GKAP1: variants seen among roughly 807,000 people sequenced by gnomAD.
GKAP1 encodes G kinase-anchoring protein 1.
Under a neutral mutation model 56.7 loss-of-function variants are expected in GKAP1, and 31 were observed. That is an observed-to-expected ratio of 0.55 (90% CI 0.41 to 0.74). The LOEUF is 0.74. Ranked by LOEUF, GKAP1 falls within the 30% of genes least tolerant of loss-of-function variation. GKAP1 has a pLI of 0.00. For missense variants in GKAP1, 364 were observed against 402.3 expected, an observed-to-expected ratio of 0.90 and a Z score of 0.82; for synonymous variants, 151 against 138.6, an observed-to-expected ratio of 1.09 and a Z score of -0.63.
chr9:83,805,070 G>A (rs1292245209), intron 3 of GKAP1, among the ~76,000 whole-genome samples: 3 of 152,200 alleles, frequency 2.0e-5, no homozygotes, highest in Non-Finnish European at 2.9e-5. Flanking sequence ...GATGGTTGCC[G>A]TGTCTGTGTA....
chr9:83,791,763 C>T (rs1047855018), intron 4 of GKAP1, among the ~76,000 whole-genome samples: 2 of 151,740 alleles, frequency 1.3e-5, no homozygotes, highest in Non-Finnish European at 2.9e-5. Context: ...GTATGAACTA[C>T]AGGAAATAGA....
At chr9:83,790,947 A>C (rs1284603337) in intron 4 of GKAP1, among the ~76,000 whole-genome samples, 1 of 152,260 alleles carries the variant, frequency 6.6e-6, no homozygotes, top group Non-Finnish European at 1.5e-5. Context: ...GATTATTTCT[A>C]ATATGTCACA....
At chr9:83,765,412 C>T (rs755389437) in intron 8 of GKAP1, among the ~76,000 whole-genome samples, 2 of 152,200 alleles carry the variant, frequency 1.3e-5, no homozygotes, top group African/African-American at 4.8e-5. Flanking sequence ...AATGTGGGGT[C>T]AAGAGCCCCC....
intron 2 of GKAP1, among the ~76,000 whole-genome samples, chr9:83,816,688 A>G (rs1278871513): frequency 6.6e-6 from 1 of 152,242 alleles, no homozygotes; most frequent in Non-Finnish European, 1.5e-5. Context: ...GGTGAAGAAA[A>G]GTGTCTCCGG....
intron 7 of GKAP1, among the ~76,000 whole-genome samples, chr9:83,772,576 A>G (rs1943780617): frequency 1.3e-5 from 2 of 151,696 alleles, no homozygotes; most frequent in Non-Finnish European, 2.9e-5. Flanking sequence ...TTGTGCTTCA[A>G]AAGACACAAT....
chr9:83,798,422 T>C (rs1028220433), intron 4 of GKAP1, among the ~76,000 whole-genome samples: 2 of 152,232 alleles, frequency 1.3e-5, no homozygotes, highest in Non-Finnish European at 2.9e-5. Flanking sequence ...AATAGAGACA[T>C]AGAAGAACAA....
intron 7 of GKAP1, among the ~76,000 whole-genome samples, chr9:83,776,300 G>A (rs777179947): frequency 3.3e-5 from 5 of 152,074 alleles, no homozygotes; most frequent in African/African-American, 4.8e-5. Flanking sequence ...TAGAAAATAG[G>A]TTGAATCTTT....
intron 7 of GKAP1, among the ~76,000 whole-genome samples, chr9:83,775,011 C>T (rs1293282020): frequency 6.9e-6 from 1 of 145,340 alleles, no homozygotes; most frequent in African/African-American, 2.5e-5. Flanking sequence ...CCGGCCCCTT[C>T]TTTTTTTTTT....
rs1943606266 is a variant in GKAP1, at chr9:83,763,324, T to C, written c.738+5494A>G. Among the ~76,000 whole-genome samples, 3 of 152,158 alleles carry C rather than the reference T, an allele frequency of 2.0e-5. No individual in the cohort carries two copies. In the South Asian group the frequency reaches 6.2e-4, roughly 32 times the overall value. On this transcript the variant is annotated intron_variant, in intron 8 of 12. Transcript: ENST00000376371. ...GGAGTGGGCAGGTGGTTAGGATAGT[T>C]AATTGGTACAAAAAAGTTAGAAAGA...
intron 7 of GKAP1, among the ~76,000 whole-genome samples, chr9:83,778,010 C>T (rs1943891607): frequency 1.3e-5 from 2 of 152,046 alleles, no homozygotes; most frequent in Admixed American, 1.3e-4. Context: ...AAAAGGTACA[C>T]CAGTCAGAAT....
At chr9:83,815,744 A>C (rs1488650953) in intron 2 of GKAP1, among the ~76,000 whole-genome samples, 1 of 152,236 alleles carries the variant, frequency 6.6e-6, no homozygotes, top group Non-Finnish European at 1.5e-5. Context: ...GGCCTCACTG[A>C]AATATAACTT....
intron 3 of GKAP1, among the ~76,000 whole-genome samples, chr9:83,803,677 C>T (rs1333785293): frequency 2.0e-5 from 3 of 151,970 alleles, no homozygotes; most frequent in East Asian, 1.9e-4. Context: ...GCCGCCACCC[C>T]GTCTGGGAAG....
At chr9:83,800,292 TAAAAAA>T (rs869060430) in intron 3 of GKAP1, among the ~76,000 whole-genome samples, 1 of 140,878 alleles carries the variant, frequency 7.1e-6, no homozygotes, top group East Asian at 2.0e-4. Flanking sequence ...AGGAGCAGTT[TAAAAAA>T]AAAAAAAGTT....
chr9:83,805,276 G>T (rs534509990), intron 3 of GKAP1, among the ~76,000 whole-genome samples: 1 of 152,022 alleles, frequency 6.6e-6, no homozygotes, highest in Middle Eastern at 3.2e-3. Flanking sequence ...CAGCATGCTC[G>T]TTAAGAATCA....
At chr9:83,755,540 T>G (rs1943459967) in intron 8 of GKAP1, among the ~76,000 whole-genome samples, 1 of 152,030 alleles carries the variant, frequency 6.6e-6, no homozygotes, top group Non-Finnish European at 1.5e-5. Context: ...TATATGTATT[T>G]TTAGAAATCT....
chr9:83,771,870 A>G (rs1176116129), intron 7 of GKAP1, among the ~76,000 whole-genome samples: 1 of 152,168 alleles, frequency 6.6e-6, no homozygotes, highest in East Asian at 1.9e-4. Flanking sequence ...TAGAGATTAT[A>G]ATTATAATTA....
At chr9:83,766,134 G>A (rs1943659662) in intron 8 of GKAP1, among the ~76,000 whole-genome samples, 1 of 152,172 alleles carries the variant, frequency 6.6e-6, no homozygotes, top group Non-Finnish European at 1.5e-5. Flanking sequence ...TTGTGATAGT[G>A]AGTGAATACT....
At chr9:83,801,293 T>A (rs1256536066) in intron 3 of GKAP1, among the ~76,000 whole-genome samples, 3 of 151,752 alleles carry the variant, frequency 2.0e-5, no homozygotes, top group Non-Finnish European at 4.4e-5. Context: ...CTACTCAGAG[T>A]CTCAGAGAAG....
intron 5 of GKAP1, among the ~76,000 whole-genome samples, chr9:83,788,150 C>T (rs538001040): frequency 1.1e-4 from 17 of 152,154 alleles, no homozygotes; most frequent in African/African-American, 2.6e-4. Context: ...TGGTGGCTCA[C>T]GCCTGTAGTC....
Sources: allele counts gnomAD v4.1 joint callset (sites outside exome capture counted in the v4.1 genomes callset), GRCh38; gene constraint gnomAD v4.1.1; transcripts MANE v1.5; gene names NCBI Gene and HGNC (gene_info 2026-07-23, HGNC 2026-07-21).